The following TMEM132B variants were observed in gnomAD, a reference collection of about 807,000 sequenced individuals.
The protein encoded by TMEM132B is transmembrane protein 132B.
TMEM132B carries 18 observed loss-of-function variants against 90.8 expected under a neutral mutation model. That is an observed-to-expected ratio of 0.20 (90% CI 0.14 to 0.29). The LOEUF is 0.29. Among genes scored for constraint, TMEM132B ranks in the 10% least tolerant of loss-of-function variants. The pLI is 1.00. For missense variants in TMEM132B, 1,096 were observed against 1,326.8 expected (o/e 0.83, Z 2.70); for synonymous variants, 504 against 523.3 (o/e 0.96, Z 0.50).
chr12:125,529,173 C>T (rs1240769880), intron 4 of TMEM132B, among the ~76,000 whole-genome samples: 1 of 152,162 alleles, frequency 6.6e-6, no homozygotes, highest in African/African-American at 2.4e-5. Context: ...CAGCCTCAGT[C>T]TCCCAGGCTC....
intron 1 of TMEM132B, among the ~76,000 whole-genome samples, chr12:125,228,069 AATT>A (rs1265684064): frequency 6.6e-6 from 1 of 152,164 alleles, no homozygotes; most frequent in Non-Finnish European, 1.5e-5. Context: ...CCTGTACTCT[AATT>A]ATTGTCTCAG....
rs550868072 is a variant in TMEM132B, at chr12:125,437,443, G to A, written c.1106+21766G>A. Among the ~76,000 whole-genome samples, 6 of 152,258 alleles carry A rather than the reference G, an allele frequency of 3.9e-5. No homozygotes were observed. In the East Asian group the frequency reaches 9.6e-4, roughly 24 times the overall value. ...CACCTGTTTTCAGTGCTTTTGGGTA[G>A]GTGCCTAGCAGTGGAATTGCTGGTT... On this transcript the variant is annotated intron_variant, in intron 3 of 8. Coordinates refer to ENST00000682704, the MANE Select transcript of TMEM132B (RefSeq NM_001366854.1).
At chr12:125,194,478 AGG>A (rs983153692) in intron 1 of TMEM132B, among the ~76,000 whole-genome samples, 87 of 152,190 alleles carry the variant, frequency 5.7e-4, no homozygotes, top group African/African-American at 2.0e-3. Context: ...GGGCCTTCCA[AGG>A]GGTCTTGGCT....
chr12:125,548,953 T>A (rs563138522), intron 4 of TMEM132B, among the ~76,000 whole-genome samples: 4 of 152,252 alleles, frequency 2.6e-5, no homozygotes, highest in African/African-American at 7.2e-5. Context: ...TGTTACCCTG[T>A]GAGAAAATAA....
At chr12:125,578,010 A>G (rs764365772) in intron 4 of TMEM132B, among the ~76,000 whole-genome samples, 4 of 152,114 alleles carry the variant, frequency 2.6e-5, no homozygotes, top group Admixed American at 6.5e-5. Flanking sequence ...GACTTGTTTA[A>G]TGGCCTGACC....
chr12:125,363,930 T>G (rs1005501911), intron 2 of TMEM132B, among the ~76,000 whole-genome samples: 1 of 152,194 alleles, frequency 6.6e-6, no homozygotes, highest in Admixed American at 6.5e-5. Context: ...GGATGAATGC[T>G]CTACAGATAT....
chr12:125,581,259 C>T (rs1204757522), intron 4 of TMEM132B, among the ~76,000 whole-genome samples: 1 of 152,186 alleles, frequency 6.6e-6, no homozygotes, highest in African/African-American at 2.4e-5. Context: ...TCCCTAGTGT[C>T]TAGCCTGTTA....
intron 5 of TMEM132B, among the ~76,000 whole-genome samples, chr12:125,609,690 G>A (rs768105828): frequency 1.8e-4 from 28 of 151,676 alleles, no homozygotes; most frequent in East Asian, 5.8e-4. Context: ...GGTGGCGGGC[G>A]CCTGTAGTCC....
At chr12:125,630,174 C>G (rs745746441) in intron 5 of TMEM132B, among the ~76,000 whole-genome samples, 4 of 152,028 alleles carry the variant, frequency 2.6e-5, no homozygotes, top group Non-Finnish European at 4.4e-5. Context: ...GAAGTATTCC[C>G]TCCTCCTCTG....
chr12:125,413,816 A>T (rs150586998), intron 2 of TMEM132B, among the ~76,000 whole-genome samples: 8 of 152,150 alleles, frequency 5.3e-5, no homozygotes, highest in African/African-American at 1.9e-4. Context: ...GTGTACAAGT[A>T]TTTGTTTGAG....
intron 1 of TMEM132B, among the ~76,000 whole-genome samples, chr12:125,230,670 A>ATT (rs745549329): frequency 2.3e-5 from 3 of 127,954 alleles, no homozygotes; most frequent in South Asian, 2.5e-4. Flanking sequence ...TTTTGTGTGT[A>ATT]TTTTTTTTTT....
intron 3 of TMEM132B, among the ~76,000 whole-genome samples, chr12:125,464,453 ACAG>A (rs1189949761): frequency 6.6e-6 from 1 of 152,148 alleles, no homozygotes; most frequent in African/African-American, 2.4e-5. Context: ...CCTCTCTGAT[ACAG>A]ACTGTTGCTT....
rs1291851831 is a variant in TMEM132B, at chr12:125,458,332, A to C, written c.1106+42655A>C. On this transcript the variant is annotated intron_variant, in intron 3 of 8. Coordinates refer to ENST00000682704, the MANE Select transcript of TMEM132B (RefSeq NM_001366854.1). This position sits in a 1 kb window ranked among gnomAD's most constrained non-coding sequence, Gnocchi z 4.9. ...TGTGTCCATGACAGAGTAATTGGCCAGACTGGTCCCCTACCTCTGCCATAA... is the reference window on the plus strand; with the variant it reads ...TGTGTCCATGACAGAGTAATTGGCCCGACTGGTCCCCTACCTCTGCCATAA... Among the ~76,000 whole-genome samples, 1 of 152,176 alleles carries C rather than the reference A, an allele frequency of 6.6e-6. No homozygotes were observed. The highest frequency in any genetic ancestry group is 1.5e-5 in the Non-Finnish European group (1 of 68,024).
At chr12:125,373,137 A>C (rs1243310820) in intron 2 of TMEM132B, among the ~76,000 whole-genome samples, 11 of 152,246 alleles carry the variant, frequency 7.2e-5, no homozygotes, top group Admixed American at 7.2e-4. Flanking sequence ...TTACAAGGTC[A>C]GCTCCATGCG....
chr12:125,522,661 G>A (rs1883336576), intron 4 of TMEM132B, among the ~76,000 whole-genome samples: 1 of 152,170 alleles, frequency 6.6e-6, no homozygotes, highest in Non-Finnish European at 1.5e-5. Flanking sequence ...GGTGGACCTT[G>A]GGGAAAGCTG....
chr12:125,407,547 C>T lies in TMEM132B; in HGVS notation c.960-7984C>T, dbSNP rs1162493058. ...TCTGTCCCTGCTGGGTAGAGGCTGG[C>T]CTGGAGTCCAGTTGTCTTTCTTTTG... On this transcript the variant is annotated intron_variant, in intron 2 of 8. Coordinates refer to ENST00000682704, the MANE Select transcript of TMEM132B (RefSeq NM_001366854.1). The surrounding 1 kb of genome is among the most constrained non-coding windows in gnomAD (Gnocchi z 6.7). Among the ~76,000 whole-genome samples, 2 of 152,150 alleles carry T rather than the reference C, an allele frequency of 1.3e-5. No homozygotes were observed. The highest frequency in any genetic ancestry group is 2.9e-5 in the Non-Finnish European group (2 of 68,028).
chr12:125,325,851 G>A (rs892400681), intron 1 of TMEM132B, among the ~76,000 whole-genome samples: 5 of 152,140 alleles, frequency 3.3e-5, no homozygotes, highest in Non-Finnish European at 7.4e-5. Flanking sequence ...GGGATGCTGT[G>A]GATTCTCTCT....
intron 1 of TMEM132B, among the ~76,000 whole-genome samples, chr12:125,228,596 G>A (rs749979044): frequency 6.6e-6 from 1 of 152,236 alleles, no homozygotes; most frequent in Non-Finnish European, 1.5e-5. Flanking sequence ...GGGCGGAGCT[G>A]GACCTGTTCA....
At chr12:125,442,938 C>T (rs1252959294) in intron 3 of TMEM132B, among the ~76,000 whole-genome samples, 1 of 152,242 alleles carries the variant, frequency 6.6e-6, no homozygotes, top group Non-Finnish European at 1.5e-5. Context: ...ACTAGCCCAT[C>T]CCTCTGAGTG....
Sources: gnomAD v4.1 joint callset for allele counts (sites outside exome capture counted in the v4.1 genomes callset) on GRCh38, gnomAD v4.1.1 for gene constraint, Gnocchi (gnomAD v3.1) non-coding constraint, MANE v1.5 for transcripts, NCBI Gene and HGNC (gene_info 2026-07-23, HGNC 2026-07-21) for gene names.